The following CCDC91 variants were observed in gnomAD, a reference collection of about 807,000 sequenced individuals.
CCDC91 encodes the protein coiled-coil domain-containing protein 91.
A neutral mutation model predicts 63.2 loss-of-function variants in CCDC91; 48 were observed. That is an observed-to-expected ratio of 0.76 (90% CI 0.60 to 0.97). CCDC91 has a LOEUF of 0.97. CCDC91 is among the 50% of genes least tolerant of loss of function. The pLI, the probability that CCDC91 is intolerant of heterozygous loss-of-function variation, is 0.00. For missense variants in CCDC91, 500 were observed against 494.6 expected, an observed-to-expected ratio of 1.01 and a Z score of -0.10; for synonymous variants, 167 against 165.8, an observed-to-expected ratio of 1.01 and a Z score of -0.06.
At chr12:28,533,520 A>T (rs1941910826) in intron 12 of CCDC91, among the ~76,000 whole-genome samples, 1 of 152,070 alleles carries the variant, frequency 6.6e-6, no homozygotes, top group Non-Finnish European at 1.5e-5. Context: ...AATAAACCAC[A>T]CTTAAATTAC....
At chr12:28,219,027 A>C (rs577384860) in intron 1 of CCDC91, among the ~76,000 whole-genome samples, 10 of 152,180 alleles carry the variant, frequency 6.6e-5, no homozygotes, top group Non-Finnish European at 1.0e-4. Flanking sequence ...ACAATTGCCA[A>C]ACTTTTCCAA....
At chr12:28,523,645 A>C (rs1940964686) in intron 12 of CCDC91, among the ~76,000 whole-genome samples, 1 of 152,092 alleles carries the variant, frequency 6.6e-6, no homozygotes, top group African/African-American at 2.4e-5. Flanking sequence ...TTTGCTTGTT[A>C]GTTGATGCAT....
At chr12:28,469,881 C>T (rs1176030394) in intron 11 of CCDC91, among the ~76,000 whole-genome samples, 7 of 152,054 alleles carry the variant, frequency 4.6e-5, no homozygotes, top group Non-Finnish European at 1.0e-4. Context: ...AACTGGATAG[C>T]TGTATACAGA....
At chr12:28,406,290 A>G (rs1431229325) in intron 8 of CCDC91, among the ~76,000 whole-genome samples, 1 of 152,106 alleles carries the variant, frequency 6.6e-6, no homozygotes, top group African/African-American at 2.4e-5. Context: ...AAAAAAAAAA[A>G]AAATCCCTCA....
chr12:28,411,978 A>G (rs1350568990), intron 8 of CCDC91, among the ~76,000 whole-genome samples: 1 of 151,498 alleles, frequency 6.6e-6, no homozygotes, highest in East Asian at 1.9e-4. Flanking sequence ...CACATTGGAG[A>G]TCACATTTCA....
At chr12:28,214,520 C>G (rs761183808) in intron 1 of CCDC91, among the ~76,000 whole-genome samples, 1 of 152,080 alleles carries the variant, frequency 6.6e-6, no homozygotes, top group Non-Finnish European at 1.5e-5. Flanking sequence ...TTAATACCAG[C>G]TATTAATACA....
chr12:28,346,342 C>T (rs180799206), intron 6 of CCDC91, among the ~76,000 whole-genome samples: 11 of 152,188 alleles, frequency 7.2e-5, no homozygotes, highest in Middle Eastern at 6.8e-3. Context: ...AGTTACAGTT[C>T]GGTTTTGGGT....
chr12:28,212,595 A>C (rs1023987879), intron 1 of CCDC91, among the ~76,000 whole-genome samples: 3 of 152,200 alleles, frequency 2.0e-5, no homozygotes, highest in Non-Finnish European at 2.9e-5. Flanking sequence ...CAGATATAGA[A>C]GTATGGAATC....
chr12:28,269,990 A>G (rs1947636032), intron 3 of CCDC91, among the ~76,000 whole-genome samples: 1 of 151,960 alleles, frequency 6.6e-6, no homozygotes, highest in Admixed American at 6.6e-5. Context: ...TTTTTTCCTT[A>G]TTAAAGCATT....
chr12:28,284,208 C>T (rs1447514359), intron 3 of CCDC91, among the ~76,000 whole-genome samples: 1 of 151,990 alleles, frequency 6.6e-6, no homozygotes, highest in East Asian at 1.9e-4. Context: ...ATATGGAATA[C>T]TGATAAACTT....
In CCDC91 at chr12:28,490,538, A is replaced by G. The variant is rs78939925; in HGVS notation, c.1215+6373A>G. ...ATTTGGATTTAGAAAAATAACCAGT[A>G]CTAACCATCTTGCCAAATGATGTTT... On this transcript the variant is annotated intron_variant, in intron 12 of 12. Transcript: ENST00000536442. Among the ~76,000 whole-genome samples the G allele has an allele frequency of 5.6e-3, 848 of 152,000 alleles. 7 individuals are homozygous for G. Among genetic ancestry groups the G allele is most frequent in the African/African-American group, 0.02 (822 of 41,540 alleles).
chr12:28,254,208 TTAGACCTTGA>T (rs1218645571), intron 1 of CCDC91, among the ~76,000 whole-genome samples: 5 of 152,178 alleles, frequency 3.3e-5, no homozygotes, highest in Admixed American at 3.3e-4. Context: ...TTGAGAATTG[TTAGACCTTGA>T]TATTGTGAAA....
chr12:28,522,801 A>C (rs1212975955), intron 12 of CCDC91, among the ~76,000 whole-genome samples: 1 of 152,182 alleles, frequency 6.6e-6, no homozygotes, highest in African/African-American at 2.4e-5. Context: ...TTCAAAGAAC[A>C]TCTTTATTTC....
intron 4 of CCDC91, among the ~76,000 whole-genome samples, chr12:28,306,448 C>CT (rs1333434695): frequency 1.3e-5 from 2 of 151,966 alleles, no homozygotes; most frequent in African/African-American, 4.8e-5. Context: ...TATGTCTATC[C>CT]TTATTCATAC....
intron 12 of CCDC91, among the ~76,000 whole-genome samples, chr12:28,510,237 A>ATGTGTGTGTGTGTGTGTGTG (rs60548491): frequency 3.7e-4 from 55 of 149,134 alleles, no homozygotes; most frequent in African/African-American, 1.3e-3. Flanking sequence ...TCAATAGGGC[A>ATGTGTGTGTGTGTGTGTGTG]TGTGTGTGTG....
intron 12 of CCDC91, among the ~76,000 whole-genome samples, chr12:28,520,947 C>T (rs1453035571): frequency 6.6e-6 from 1 of 152,092 alleles, no homozygotes; most frequent in African/African-American, 2.4e-5. Context: ...GTTTTGGTAC[C>T]AGTACCATGC....
intron 6 of CCDC91, among the ~76,000 whole-genome samples, chr12:28,349,249 T>C (rs1943024053): frequency 1.3e-5 from 2 of 152,208 alleles, no homozygotes; most frequent in African/African-American, 2.4e-5. Flanking sequence ...TCTGATGATA[T>C]TTGTCTTTCA....
intron 12 of CCDC91, among the ~76,000 whole-genome samples, chr12:28,545,030 C>A (rs1942890348): frequency 1.3e-5 from 2 of 151,966 alleles, no homozygotes; most frequent in Middle Eastern, 3.4e-3. Context: ...TCAGAATTTC[C>A]AGATTTTTCA....
intron 12 of CCDC91, among the ~76,000 whole-genome samples, chr12:28,503,149 C>G (rs1450205389): frequency 2.0e-5 from 3 of 152,020 alleles, no homozygotes; most frequent in Admixed American, 6.6e-5. Context: ...AACAGGCAAC[C>G]TATAAAATGG....
Sources: gnomAD v4.1 joint callset for allele counts (sites outside exome capture counted in the v4.1 genomes callset) on GRCh38, gnomAD v4.1.1 for gene constraint, MANE v1.5 for transcripts, NCBI Gene and HGNC (gene_info 2026-07-23, HGNC 2026-07-21) for gene names.